LSAMP: variants seen among roughly 807,000 people sequenced by gnomAD.
LSAMP encodes the protein limbic system-associated membrane protein.
LSAMP carries 7 observed loss-of-function variants against 38.6 expected under a neutral mutation model. The ratio of observed to expected loss-of-function variants is 0.18; its 90% CI spans 0.10 to 0.34. LSAMP has a LOEUF of 0.34. LSAMP is among the 10% of genes least tolerant of loss of function. The pLI, the probability that LSAMP is intolerant of heterozygous loss-of-function variation, is 1.00. For synonymous variants in LSAMP, 154 were observed against 166.8 expected (o/e 0.92, Z 0.59); for missense variants, 313 against 420.0 (o/e 0.75, Z 2.23).
chr3:116,059,059 C>T (rs1941546152), intron 2 of LSAMP, among the ~76,000 whole-genome samples: 1 of 152,074 alleles, frequency 6.6e-6, no homozygotes, highest in Non-Finnish European at 1.5e-5. Context: ...TAAGAACAGA[C>T]ATGTGCCTTA....
At chr3:115,815,647 C>T (rs1315777590) in intron 6 of LSAMP, among the ~76,000 whole-genome samples, 1 of 152,140 alleles carries the variant, frequency 6.6e-6, no homozygotes, top group East Asian at 1.9e-4. Flanking sequence ...AAAAACAATG[C>T]TATGCCTTAT....
At chr3:116,289,444 T>TAACA in intron 1 of LSAMP, among the ~76,000 whole-genome samples, 1 of 152,318 alleles carries the variant, frequency 6.6e-6, no homozygotes. Flanking sequence ...GAATATCCAC[T>TAACA]AACATTTACA....
chr3:116,166,721 T>C (rs1167448877), intron 1 of LSAMP, among the ~76,000 whole-genome samples: 1 of 152,078 alleles, frequency 6.6e-6, no homozygotes, highest in Non-Finnish European at 1.5e-5. Flanking sequence ...TTTTATGACC[T>C]GATGTCACAT....
At chr3:115,888,736 A>AT (rs1371367347) in intron 3 of LSAMP, among the ~76,000 whole-genome samples, 2 of 151,620 alleles carry the variant, frequency 1.3e-5, no homozygotes, top group Non-Finnish European at 2.9e-5. Flanking sequence ...ACAAATTTCT[A>AT]TTTTTTCTTC....
chr3:116,349,493 A>ACG lies in LSAMP; in HGVS notation c.155+95383_155+95384insCG, dbSNP rs1425026852. Among the ~76,000 whole-genome samples, 3 of 149,228 alleles carry ACG rather than the reference A, an allele frequency of 2.0e-5. No homozygotes were observed. The East Asian group carries it at 5.9e-4, about 29-fold the overall frequency. ...CCCCCCCCAAAAAAACTACACACAC[A>ACG]CACACACACTCTCTCTCTCTCTCTC... is the stretch of plus-strand genomic sequence containing the variant. On this transcript the variant is annotated intron_variant, in intron 1 of 6. Transcript: ENST00000490035.
At chr3:116,185,672 ATAT>A (rs1710597792) in intron 1 of LSAMP, among the ~76,000 whole-genome samples, 1 of 152,112 alleles carries the variant, frequency 6.6e-6, no homozygotes, top group African/African-American at 2.4e-5. Flanking sequence ...TTATCTTAAC[ATAT>A]TCAACAGATG....
In LSAMP at chr3:116,086,488, T is replaced by C. The variant is rs1559737154; in HGVS notation, c.224A>G (p.His75Arg). ...LNRSGIIFAG[H>R]DKWSLDPRVE... ...CCGTGGGTCCAGAGACCACTTGTCA[T>C]GTCCAGCAAAAATGATGCCAGAACG... is the stretch of plus-strand genomic sequence containing the variant. Residue 75 changes from histidine to arginine, a missense_variant, in exon 2 of 7, where the codon CAT (histidine) becomes CGT (arginine). Transcript: ENST00000490035. 2 of 1,614,178 alleles carry C rather than the reference T, an allele frequency of 1.2e-6. No individual in the cohort carries two copies. Among genetic ancestry groups the C allele is most frequent in the Non-Finnish European group, 1.7e-6 (2 of 1,180,010 alleles).
intron 1 of LSAMP, among the ~76,000 whole-genome samples, chr3:116,237,319 G>GT: frequency 6.6e-6 from 1 of 152,246 alleles, no homozygotes; most frequent in African/African-American, 2.4e-5. Flanking sequence ...TTGTAAGTAA[G>GT]TAAAACATTC....
chr3:116,165,425 C>A (rs1215327929), intron 1 of LSAMP, among the ~76,000 whole-genome samples: 11 of 152,052 alleles, frequency 7.2e-5, no homozygotes, highest in African/African-American at 2.2e-4. Context: ...CCCTCCAGAC[C>A]CCCCACCTAG....
In LSAMP at chr3:116,209,389, C is replaced by T. The variant is rs564386225; in HGVS notation, c.156-122833G>A. Among the ~76,000 whole-genome samples, 8 of 152,312 alleles carry T rather than the reference C, an allele frequency of 5.3e-5. No individual in the cohort carries two copies. The East Asian group carries it at 7.7e-4, about 15-fold the overall frequency. On this transcript the variant is annotated intron_variant, in intron 1 of 6. Coordinates refer to ENST00000490035, the MANE Select transcript of LSAMP (RefSeq NM_002338.5). The stretch of plus-strand genomic sequence containing the variant: ...TTCGCTCACGCTGGGAGCTGTAGAC[C>T]GGAGCTGTTCCTGTTCAGCCATCTT...
At chr3:116,218,061 C>T (rs554818269) in intron 1 of LSAMP, among the ~76,000 whole-genome samples, 24 of 152,086 alleles carry the variant, frequency 1.6e-4, no homozygotes, top group African/African-American at 4.8e-4. Flanking sequence ...AAAAAATGGG[C>T]GCTGTGGATC....
At chr3:116,218,881 C>T (rs1398473323) in intron 1 of LSAMP, among the ~76,000 whole-genome samples, 2 of 152,188 alleles carry the variant, frequency 1.3e-5, no homozygotes, top group Non-Finnish European at 2.9e-5. Flanking sequence ...TTCAAATTTT[C>T]TATTGGTAAC....
intron 1 of LSAMP, among the ~76,000 whole-genome samples, chr3:116,209,086 G>A (rs961786991): frequency 3.3e-5 from 5 of 152,242 alleles, no homozygotes; most frequent in Non-Finnish European, 7.3e-5. Context: ...AGCCAGGTGC[G>A]GGATATAATC....
Position 116,049,057 on chromosome 3 carries a change from C to T in LSAMP, c.389-29417G>A, listed in dbSNP as rs1242201220. Among the ~76,000 whole-genome samples the T allele has an allele frequency of 3.3e-5, 5 of 152,220 alleles. No homozygotes were observed. In the East Asian group the frequency reaches 9.6e-4, roughly 29 times the overall value. On this transcript the variant is annotated intron_variant, in intron 2 of 6. Transcript: ENST00000490035. ...GAGAACAGAACCTCCTCTAGGTTCA[C>T]TCTCAGACAATGATTAGGAGACAGT...
intron 1 of LSAMP, among the ~76,000 whole-genome samples, chr3:116,281,589 T>A (rs1300978381): frequency 6.6e-6 from 1 of 152,200 alleles, no homozygotes; most frequent in Non-Finnish European, 1.5e-5. Context: ...AGCATGACTA[T>A]GAAAGCATGT....
chr3:115,817,184 CA>C (rs1488624991), intron 6 of LSAMP, among the ~76,000 whole-genome samples: 2 of 152,210 alleles, frequency 1.3e-5, no homozygotes, highest in Non-Finnish European at 1.5e-5. Flanking sequence ...GCTGAAATGA[CA>C]ACAACTCGAA....
intron 3 of LSAMP, among the ~76,000 whole-genome samples, chr3:115,867,449 T>G (rs1242243738): frequency 1.3e-5 from 2 of 152,150 alleles, no homozygotes; most frequent in Non-Finnish European, 2.9e-5. Context: ...CCTCCCCTTT[T>G]GACAGATGGC....
chr3:116,423,297 C>T (rs2049154199), intron 1 of LSAMP, among the ~76,000 whole-genome samples: 1 of 152,178 alleles, frequency 6.6e-6, no homozygotes, highest in South Asian at 2.1e-4. Flanking sequence ...TCAGATCAGG[C>T]ATCTGAGACT....
At chr3:115,837,756 T>A (rs1446935043) in intron 6 of LSAMP, 1 of 152,262 alleles carries the variant, frequency 6.6e-6, no homozygotes, top group Non-Finnish European at 1.5e-5. Context: ...TGTGTTGATT[T>A]AGGGCCTAGA....
Sources: gnomAD v4.1 joint callset for allele counts (sites outside exome capture counted in the v4.1 genomes callset) on GRCh38, gnomAD v4.1.1 for gene constraint, MANE v1.5 for transcripts, NCBI Gene and HGNC (gene_info 2026-07-23, HGNC 2026-07-21) for gene names.